The following LYZL2 variants were observed in gnomAD, a reference collection of about 807,000 sequenced individuals.
The protein encoded by LYZL2 is lysozyme like 2.
LYZL2 carries 13 observed loss-of-function variants against 17.1 expected under a neutral mutation model. The ratio of observed to expected loss-of-function variants is 0.76; its 90% CI spans 0.49 to 1.21. The LOEUF (loss-of-function observed/expected upper bound fraction) is 1.21, where lower values mean the gene tolerates loss of function less well. LYZL2 is among the 50% of genes most tolerant of loss of function. LYZL2 has a pLI of 0.00. For missense variants in LYZL2, 166 were observed against 189.2 expected (o/e 0.88, Z 0.72); for synonymous variants, 63 against 74.4 (o/e 0.85, Z 0.79).
In LYZL2 at chr10:30,612,851, A is replaced by G. The variant is rs747479977; in HGVS notation, c.348T>C (p.Ile116=). ...LTDAIICAKK[I]VKETQGMNYW... ...AGTTCATTCCTTGTGTCTCTTTAAC[A>G]ATTTTCTTGGCACAGATAATCGCAT... Residue 116 remains isoleucine (I), a synonymous_variant, in exon 4 of 5, where the codon ATT becomes ATC. Transcript: ENST00000647634. The G allele has an allele frequency of 1.9e-6, 3 of 1,613,874 alleles. No individual in the cohort carries two copies. Among genetic ancestry groups the G allele is most frequent in the Non-Finnish European group, 2.5e-6 (3 of 1,179,776 alleles).
chr10:30,619,483 A>G (rs575444800), intron 3 of LYZL2, among the ~76,000 whole-genome samples: 59 of 152,262 alleles, frequency 3.9e-4, no homozygotes, highest in African/African-American at 1.3e-3. Flanking sequence ...TACACCATGG[A>G]ATACTATGCA....
At chr10:30,627,869 C>A (rs1838740975) in intron 1 of LYZL2, among the ~76,000 whole-genome samples, 5 of 152,194 alleles carry the variant, frequency 3.3e-5, no homozygotes, top group Admixed American at 3.3e-4. Flanking sequence ...CTTTAAGATT[C>A]ATCGTCTAGG....
Position 30,626,956 on chromosome 10 carries a change from A to G in LYZL2, c.-25-16T>C. 2.5e-6 allele frequency: 4 copies of G among 1,612,536 alleles called. No individual in the cohort carries two copies. Among genetic ancestry groups the G allele is most frequent in the Non-Finnish European group, 3.4e-6 (4 of 1,179,016 alleles). ...GAGACAGAACCTGCCAAAGAGCCGGAGAACAGGTCAGACGATCTTGATTCA... is the reference window on the plus strand; with the variant it reads ...GAGACAGAACCTGCCAAAGAGCCGGGGAACAGGTCAGACGATCTTGATTCA... On this transcript the variant is annotated splice_polypyrimidine_tract_variant and intron_variant, in intron 1 of 4. Coordinates refer to ENST00000647634, the MANE Select transcript of LYZL2 (RefSeq NM_183058.3).
chr10:30,615,071 C>A (rs546206935), intron 3 of LYZL2, among the ~76,000 whole-genome samples: 1 of 152,052 alleles, frequency 6.6e-6, no homozygotes, highest in Non-Finnish European at 1.5e-5. Flanking sequence ...TAAAAATATC[C>A]ATTGAGAGCT....
the LYZL2 span, among the ~76,000 whole-genome samples, chr10:30,606,597 G>A: frequency 2.6e-5 from 4 of 152,198 alleles, no homozygotes; most frequent in South Asian, 6.2e-4. Flanking sequence ...TCCCATGGCC[G>A]TGCATGGCAA....
intron 1 of LYZL2, among the ~76,000 whole-genome samples, chr10:30,627,706 A>C (rs1238147382): frequency 6.6e-6 from 1 of 152,124 alleles, no homozygotes; most frequent in Non-Finnish European, 1.5e-5. Context: ...ATTAGTCGTT[A>C]AGCTTCTGGG....
In LYZL2 at chr10:30,612,910, G is replaced by A; in HGVS notation, c.299-10C>T. 1.2e-6 allele frequency: 2 copies of A among 1,612,590 alleles called. No homozygotes were observed. The highest frequency in any genetic ancestry group is 1.7e-6 in the Non-Finnish European group (2 of 1,178,648). On this transcript the variant is annotated splice_polypyrimidine_tract_variant and intron_variant, in intron 3 of 4. Transcript: ENST00000647634. ...TCATCAGTGACCAAGGCTGTAAAAA[G>A]AGAGGTCATCAGGGTTAGGCGAGAC...
chr10:30,619,451 G>C (rs568079312), intron 3 of LYZL2, among the ~76,000 whole-genome samples: 1 of 152,204 alleles, frequency 6.6e-6, no homozygotes, highest in African/African-American at 2.4e-5. Context: ...TGATAGACTG[G>C]ATTAAGAAAA....
chr10:30,622,242 T>C lies in LYZL2; in HGVS notation c.298+3863A>G, dbSNP rs113558016. On this transcript the variant is annotated intron_variant, in intron 3 of 4. Coordinates refer to ENST00000647634, the MANE Select transcript of LYZL2 (RefSeq NM_183058.3). ...ACAAACAGAAAACAAAATAGCAAGA[T>C]GTAATTTAAAACTAGCCATATCAGC... is the stretch of plus-strand genomic sequence containing the variant. Among the ~76,000 whole-genome samples, 157 of 152,060 alleles carry C rather than the reference T, an allele frequency of 1.0e-3. 2 individuals carry two copies. The highest frequency in any genetic ancestry group is 3.6e-3 in the African/African-American group (149 of 41,470).
intron 3 of LYZL2, among the ~76,000 whole-genome samples, chr10:30,618,240 G>A (rs1261980201): frequency 6.6e-6 from 1 of 152,110 alleles, no homozygotes; most frequent in Non-Finnish European, 1.5e-5. Context: ...CGTGAAAATG[G>A]CCATACTGCC....
intron 3 of LYZL2, among the ~76,000 whole-genome samples, chr10:30,623,869 CTG>C (rs1838661997): frequency 6.6e-6 from 1 of 152,200 alleles, no homozygotes; most frequent in East Asian, 1.9e-4. Context: ...CTTCCACAGA[CTG>C]TTCCCTGGTG....
chr10:30,607,060 G>A (rs971558023), downstream of LYZL2, among the ~76,000 whole-genome samples: 13 of 151,472 alleles, frequency 8.6e-5, no homozygotes, highest in South Asian at 2.5e-3. Context: ...ACAGGCACCC[G>A]CCACCACGCC....
chr10:30,619,249 C>T lies in LYZL2; in HGVS notation c.299-6349G>A, dbSNP rs531231184. Among the ~76,000 whole-genome samples, 41 of 152,304 alleles carry T rather than the reference C, an allele frequency of 2.7e-4. 1 individual carries two copies. The South Asian group carries it at 7.5e-3, about 28-fold the overall frequency. ...TGGTGGGACTGTAAACTAGTTCAAC[C>T]ATTGTGGAAGTCAGTGTGGCAATTC... On this transcript the variant is annotated intron_variant, in intron 3 of 4. Coordinates refer to ENST00000647634, the MANE Select transcript of LYZL2 (RefSeq NM_183058.3).
At chr10:30,619,767 T>C (rs1838591376) in intron 3 of LYZL2, among the ~76,000 whole-genome samples, 1 of 152,008 alleles carries the variant, frequency 6.6e-6, no homozygotes, top group Non-Finnish European at 1.5e-5. Context: ...AAATGGCACA[T>C]GTATACATAT....
chr10:30,619,908 C>T (rs1029332601), intron 3 of LYZL2, among the ~76,000 whole-genome samples: 7 of 151,704 alleles, frequency 4.6e-5, no homozygotes, highest in Non-Finnish European at 8.8e-5. Context: ...TGGCATGTTG[C>T]AAGTGTTAAA....
At chr10:30,626,359 C>G in intron 2 of LYZL2, 96 bp from the exon 3 acceptor site, 1 of 1,546,772 alleles carries the variant, frequency 6.5e-7, no homozygotes, top group Non-Finnish European at 8.7e-7. Context: ...TGTTACCTGA[C>G]TGCTTCCTCC....
At chr10:30,628,156 C>T (rs893265465) in intron 1 of LYZL2, among the ~76,000 whole-genome samples, 25 of 150,210 alleles carry the variant, frequency 1.7e-4, no homozygotes, top group Non-Finnish European at 2.5e-4. Context: ...CGAGACTCCG[C>T]CTCAAAAAAA....
At chr10:30,623,751 C>A (rs1271507420) in intron 3 of LYZL2, among the ~76,000 whole-genome samples, 1 of 152,104 alleles carries the variant, frequency 6.6e-6, no homozygotes, top group Non-Finnish European at 1.5e-5. Context: ...CATAATTATT[C>A]CTTATATATT....
At chr10:30,621,793 T>C (rs1010881377) in intron 3 of LYZL2, among the ~76,000 whole-genome samples, 1 of 152,180 alleles carries the variant, frequency 6.6e-6, no homozygotes, top group Non-Finnish European at 1.5e-5. Flanking sequence ...CAATTAACTG[T>C]CTGCTCAAGT....
Sources: gnomAD v4.1 joint callset for allele counts (sites outside exome capture counted in the v4.1 genomes callset) on GRCh38, gnomAD v4.1.1 for gene constraint, MANE v1.5 for transcripts, NCBI Gene and HGNC (gene_info 2026-07-23, HGNC 2026-07-21) for gene names.